The following ZNF503 variants were observed in gnomAD, a reference collection of about 807,000 sequenced individuals.
The protein encoded by ZNF503 is NocA-like zinc finger 2.
ZNF503 carries 15 observed loss-of-function variants against 34.4 expected under a neutral mutation model. The ratio of observed to expected loss-of-function variants is 0.44; its 90% CI spans 0.29 to 0.67. The LOEUF is 0.67. ZNF503 is among the 30% of genes least tolerant of loss of function. ZNF503 has a pLI of 0.13. For synonymous variants in ZNF503, 580 were observed against 456.8 expected (o/e 1.27, Z -3.44); for missense variants, 1,007 against 926.8 (o/e 1.09, Z -1.12).
the ZNF503 span, among the ~76,000 whole-genome samples, chr10:75,339,371 C>A: frequency 4.5e-4 from 69 of 152,282 alleles, no homozygotes; most frequent in Non-Finnish European, 9.0e-4. Context: ...GGGCTAGAGT[C>A]AGGCATTCAG....
At chr10:75,392,253 C>G in the ZNF503 span, among the ~76,000 whole-genome samples, 1 of 152,360 alleles carries the variant, frequency 6.6e-6, no homozygotes, top group Middle Eastern at 3.4e-3. Flanking sequence ...CTGGTAGGCA[C>G]AGCCCTGTAT....
the ZNF503 span, among the ~76,000 whole-genome samples, chr10:75,325,732 C>A: frequency 1.3e-5 from 2 of 152,146 alleles, no homozygotes; most frequent in Non-Finnish European, 2.9e-5. Context: ...ATATTTGATT[C>A]TTTTAATCCA....
chr10:75,332,139 T>C, the ZNF503 span, among the ~76,000 whole-genome samples: 53 of 152,260 alleles, frequency 3.5e-4, no homozygotes, highest in African/African-American at 1.2e-3. Flanking sequence ...GTATTTATTC[T>C]ACTTGGATGT....
the ZNF503 span, among the ~76,000 whole-genome samples, chr10:75,287,329 A>C: frequency 4.1e-3 from 622 of 151,992 alleles, 1 homozygote; most frequent in Middle Eastern, 6.8e-3. Context: ...CTCCCCTACA[A>C]TATCTGAACA....
the ZNF503 span, among the ~76,000 whole-genome samples, chr10:75,321,213 C>T: frequency 6.6e-6 from 1 of 152,080 alleles, no homozygotes; most frequent in East Asian, 1.9e-4. Flanking sequence ...CCTGAGGCCT[C>T]CCCAGAAGCT....
the ZNF503 span, among the ~76,000 whole-genome samples, chr10:75,323,270 T>G: frequency 2.0e-5 from 3 of 152,244 alleles, no homozygotes; most frequent in Non-Finnish European, 4.4e-5. Context: ...ATTTGCCAGC[T>G]GAAAGACCTC....
At chr10:75,340,760 G>T in the ZNF503 span, among the ~76,000 whole-genome samples, 1 of 151,944 alleles carries the variant, frequency 6.6e-6, no homozygotes. Context: ...CACCACGCTG[G>T]GCTAATTTGT....
the ZNF503 span, among the ~76,000 whole-genome samples, chr10:75,379,014 A>G: frequency 6.6e-6 from 1 of 152,052 alleles, no homozygotes; most frequent in Non-Finnish European, 1.5e-5. Flanking sequence ...CCCGATCTTA[A>G]TTACCCCTAA....
At chr10:75,302,072 G>C in the ZNF503 span, among the ~76,000 whole-genome samples, 1 of 152,174 alleles carries the variant, frequency 6.6e-6, no homozygotes, top group Admixed American at 6.5e-5. Flanking sequence ...TATAATCTCA[G>C]TCTTTGTTTA....
At chr10:75,309,642 A>T in the ZNF503 span, among the ~76,000 whole-genome samples, 760 of 152,350 alleles carry the variant, frequency 5.0e-3, 3 homozygotes, top group African/African-American at 0.017. Context: ...CTACAGTATA[A>T]TTTGAATATA....
chr10:75,334,517 G>C, the ZNF503 span, among the ~76,000 whole-genome samples: 1 of 152,120 alleles, frequency 6.6e-6, no homozygotes, highest in East Asian at 1.9e-4. Context: ...CAGATTTGAG[G>C]CTCTAGATAA....
At chr10:75,367,216 C>T in the ZNF503 span, among the ~76,000 whole-genome samples, 1 of 152,046 alleles carries the variant, frequency 6.6e-6, no homozygotes. Flanking sequence ...TGTCTCTCTA[C>T]CCCCCACCCA....
At chr10:75,287,762 C>A in the ZNF503 span, among the ~76,000 whole-genome samples, 1 of 152,184 alleles carries the variant, frequency 6.6e-6, no homozygotes, top group Non-Finnish European at 1.5e-5. Context: ...TTCCTCACAT[C>A]AGGTCATGGC....
At chr10:75,355,446 T>C in the ZNF503 span, among the ~76,000 whole-genome samples, 1 of 152,212 alleles carries the variant, frequency 6.6e-6, no homozygotes, top group East Asian at 1.9e-4. Context: ...CTAGGATCCC[T>C]GTCTGAAGCC....
At chr10:75,335,292 AT>A in the ZNF503 span, among the ~76,000 whole-genome samples, 1 of 152,226 alleles carries the variant, frequency 6.6e-6, no homozygotes, top group East Asian at 1.9e-4. Context: ...CATTATTTTT[AT>A]TTGACTAAAT....
At chr10:75,289,516 T>A in the ZNF503 span, among the ~76,000 whole-genome samples, 9 of 152,230 alleles carry the variant, frequency 5.9e-5, no homozygotes, top group East Asian at 1.7e-3. Context: ...TCTGGAAACG[T>A]CTTCATTCAC....
chr10:75,395,521 T>C (rs1843686867), downstream of ZNF503, among the ~76,000 whole-genome samples: 1 of 151,866 alleles, frequency 6.6e-6, no homozygotes, highest in Non-Finnish European at 1.5e-5. This position sits in a 1 kb window ranked among gnomAD's most constrained non-coding sequence, Gnocchi z 4.4. Context: ...CCGCCCGGGC[T>C]CCAGCCGCCA....
chr10:75,384,258 T>G, the ZNF503 span, among the ~76,000 whole-genome samples: 1 of 152,080 alleles, frequency 6.6e-6, no homozygotes, highest in Non-Finnish European at 1.5e-5. Context: ...CACACACACA[T>G]GCGCATACAC....
chr10:75,287,856 G>T, the ZNF503 span, among the ~76,000 whole-genome samples: 1 of 152,350 alleles, frequency 6.6e-6, no homozygotes, highest in South Asian at 2.1e-4. Context: ...CCTCAGGAAG[G>T]ACTCCAGTTG....
Sources: gnomAD v4.1 joint callset for allele counts (sites outside exome capture counted in the v4.1 genomes callset) on GRCh38, gnomAD v4.1.1 for gene constraint, Gnocchi (gnomAD v3.1) non-coding constraint, MANE v1.5 for transcripts, NCBI Gene and HGNC (gene_info 2026-07-23, HGNC 2026-07-21) for gene names.